The following CTNND2 variants were observed in gnomAD, a reference collection of about 807,000 sequenced individuals.
CTNND2 encodes the protein catenin delta-2.
In CTNND2, 22 loss-of-function variants were observed where a neutral mutation model predicts 144.4. The ratio of observed to expected loss-of-function variants is 0.15; its 90% confidence interval spans 0.11 to 0.22. CTNND2 has a LOEUF of 0.22. CTNND2 is among the 10% of genes least tolerant of loss of function. CTNND2 has a pLI of 1.00. For synonymous variants in CTNND2, 751 were observed against 695.6 expected, an observed-to-expected ratio of 1.08 and a Z score of -1.25; for missense variants, 1,353 against 1,618.8, an observed-to-expected ratio of 0.84 and a Z score of 2.82.
At chr5:11,731,310 A>G (rs61763025) in intron 2 of CTNND2, among the ~76,000 whole-genome samples, 13,489 of 152,158 alleles carry the variant, frequency 0.089, 1,189 homozygotes, top group African/African-American at 0.23. Context: ...TTCTTTTTGA[A>G]TAGCGTTACT....
At chr5:11,280,297 G>T (rs1455491777) in intron 9 of CTNND2, among the ~76,000 whole-genome samples, 1 of 152,118 alleles carries the variant, frequency 6.6e-6, no homozygotes, top group Admixed American at 6.5e-5. Context: ...GAATAATAAA[G>T]GAATAATAAT....
intron 9 of CTNND2, among the ~76,000 whole-genome samples, chr5:11,338,428 C>T (rs1373310075): frequency 6.6e-6 from 1 of 152,154 alleles, no homozygotes; most frequent in African/African-American, 2.4e-5. Context: ...ACTTGGGGTA[C>T]AGTCTGTTTT....
At chr5:11,418,186 C>G (rs1762066775) in intron 3 of CTNND2, among the ~76,000 whole-genome samples, 2 of 151,972 alleles carry the variant, frequency 1.3e-5, no homozygotes, top group South Asian at 4.2e-4. Context: ...GTGGGTGGAT[C>G]ACCTGAGGTT....
chr5:11,205,861 T>G (rs974618661), intron 10 of CTNND2, among the ~76,000 whole-genome samples: 1 of 152,194 alleles, frequency 6.6e-6, no homozygotes, highest in East Asian at 1.9e-4. Context: ...AGAAAGCACA[T>G]TGCAGTGACT....
In CTNND2 at chr5:11,075,451, T is replaced by C. The variant is rs79647550; in HGVS notation, c.2788+7245A>G. 8.5e-5 allele frequency among the ~76,000 whole-genome samples: 13 copies of C among 152,324 alleles called. No individual in the cohort carries two copies. The East Asian group carries it at 1.4e-3, about 16-fold the overall frequency. ...AGCAGCCATCCAAATGGGAGCAGAA[T>C]GTAGGGAAACAGTCCTGCAAAGCAC... On this transcript the variant is annotated intron_variant, in intron 16 of 21. Transcript: ENST00000304623.
intron 10 of CTNND2, among the ~76,000 whole-genome samples, chr5:11,232,600 A>G (rs1741152000): frequency 6.6e-6 from 1 of 152,192 alleles, no homozygotes; most frequent in African/African-American, 2.4e-5. Flanking sequence ...CCTGTACCCC[A>G]TTGTATCTTG....
chr5:11,538,095 T>C lies in CTNND2; in HGVS notation c.287+26849A>G, dbSNP rs546501714. ...GACCATCCATTCCCTTACTATCCCT[T>C]ACTATTATTCTTAAATAGCAAACTA... On this transcript the variant is annotated intron_variant, in intron 3 of 21. Transcript: ENST00000304623. Among the ~76,000 whole-genome samples the C allele has an allele frequency of 2.0e-5, 3 of 152,366 alleles. No homozygotes were observed. The East Asian group carries it at 5.8e-4, about 29-fold the overall frequency.
intron 2 of CTNND2, among the ~76,000 whole-genome samples, chr5:11,566,930 C>T (rs1283693217): frequency 2.0e-5 from 3 of 152,122 alleles, no homozygotes; most frequent in Non-Finnish European, 4.4e-5. Context: ...TATTTTCCTT[C>T]CCTCTGAAAG....
rs143497749 is a variant in CTNND2, at chr5:11,364,836, C to G, written c.1232G>C (p.Arg411Pro). ...GTGGTGTTCTGGGGACTGCAGGGCCCGCAACTCTGGGCCCAGGTGCCCATG... is the reference window on the plus strand; with the variant it reads ...GTGGTGTTCTGGGGACTGCAGGGCCGGCAACTCTGGGCCCAGGTGCCCATG... ...SQHGHLGPEL[R>P]ALQSPEHHID... Residue 411 changes from arginine (R) to proline (P), a missense_variant, in exon 8 of 22, where the codon CGG (arginine) becomes CCG (proline). Arg to Pro is a moderately radical substitution (Grantham distance 103). Coordinates refer to ENST00000304623, the MANE Select transcript of CTNND2 (RefSeq NM_001332.4). 4 of 1,613,470 alleles carry G rather than the reference C, an allele frequency of 2.5e-6. No individual in the cohort carries two copies. The Admixed American group carries it at 5.0e-5, about 20-fold the overall frequency.
chr5:11,335,629 G>A (rs943598021), intron 9 of CTNND2, among the ~76,000 whole-genome samples: 1 of 152,220 alleles, frequency 6.6e-6, no homozygotes, highest in African/African-American at 2.4e-5. Context: ...TAGGAACTGA[G>A]GCAGGAGAAT....
intron 2 of CTNND2, among the ~76,000 whole-genome samples, chr5:11,647,618 C>T (rs1368335712): frequency 6.6e-6 from 1 of 151,976 alleles, no homozygotes; most frequent in African/African-American, 2.4e-5. Flanking sequence ...TGACAACTCA[C>T]ACCCCTAATG....
intron 1 of CTNND2, among the ~76,000 whole-genome samples, chr5:11,877,404 AAC>A (rs1432920701): frequency 2.6e-5 from 4 of 152,216 alleles, no homozygotes; most frequent in East Asian, 1.9e-4. Flanking sequence ...TCCAGTTATA[AAC>A]AGTTTCTGAA....
chr5:11,211,005 T>C (rs1738571940), intron 10 of CTNND2, among the ~76,000 whole-genome samples: 1 of 152,226 alleles, frequency 6.6e-6, no homozygotes, highest in Non-Finnish European at 1.5e-5. Context: ...TCTCGCAATT[T>C]TCTAGTCATT....
At chr5:11,403,229 T>C (rs1760784936) in intron 5 of CTNND2, among the ~76,000 whole-genome samples, 1 of 152,136 alleles carries the variant, frequency 6.6e-6, no homozygotes, top group Admixed American at 6.5e-5. Context: ...TCGGGCCTTG[T>C]ATGTGATGTT....
intron 8 of CTNND2, 149 bp from the exon 9 acceptor site, chr5:11,346,776 C>A (rs1226781749): frequency 2.8e-6 from 2 of 715,790 alleles, no homozygotes; most frequent in Admixed American, 4.0e-5. Flanking sequence ...ATATTTGAAC[C>A]AATACATTCA....
intron 3 of CTNND2, among the ~76,000 whole-genome samples, chr5:11,440,796 A>G (rs1442151428): frequency 6.6e-6 from 1 of 152,204 alleles, no homozygotes; most frequent in African/African-American, 2.4e-5. Context: ...CCTTCCCCAA[A>G]TTAAAATTTA....
intron 3 of CTNND2, among the ~76,000 whole-genome samples, chr5:11,509,512 G>T (rs562288543): frequency 6.6e-6 from 1 of 152,210 alleles, no homozygotes; most frequent in East Asian, 1.9e-4. Flanking sequence ...AAGTAGGAGG[G>T]TTAAAGAGCG....
chr5:11,604,236 G>T (rs1401571668), intron 2 of CTNND2, among the ~76,000 whole-genome samples: 1 of 152,214 alleles, frequency 6.6e-6, no homozygotes, highest in Non-Finnish European at 1.5e-5. Flanking sequence ...CATTTATGCA[G>T]CAATGAGCTG....
intron 12 of CTNND2, among the ~76,000 whole-genome samples, chr5:11,128,329 C>T (rs1394966101): frequency 6.6e-6 from 1 of 152,076 alleles, no homozygotes; most frequent in Non-Finnish European, 1.5e-5. Flanking sequence ...GTCTCATGGC[C>T]ATAAGGAACA....
Sources: gnomAD v4.1 joint callset for allele counts (sites outside exome capture counted in the v4.1 genomes callset) on GRCh38, gnomAD v4.1.1 for gene constraint, MANE v1.5 for transcripts, NCBI Gene and HGNC (gene_info 2026-07-23, HGNC 2026-07-21) for gene names.